Variants in HDHD5 observed in about 807,000 individuals in gnomAD.
The protein encoded by HDHD5 is haloacid dehalogenase-like hydrolase domain-containing 5.
In HDHD5, 34 loss-of-function variants were observed where a neutral mutation model predicts 35.5. The observed-to-expected ratio is 0.96, with a 90% CI of 0.73 to 1.28. HDHD5 has a LOEUF of 1.28. Ranked by LOEUF, HDHD5 falls within the 50% of genes most tolerant of loss-of-function variation. The pLI is 0.00. For missense variants in HDHD5, 589 were observed against 560.2 expected, an observed-to-expected ratio of 1.05 and a Z score of -0.52; for synonymous variants, 248 against 240.6, an observed-to-expected ratio of 1.03 and a Z score of -0.29.
intron 1 of HDHD5, 179 bp downstream of exon 1, chr22:17,158,947 A>G (rs79822985): frequency 0.059 from 28,955 of 488,756 alleles, 1,105 homozygotes; most frequent in South Asian, 0.18. Context: ...AGCGAGTCAG[A>G]GGAAGGCAGG....
chr22:17,151,765 AAGAAG>A (rs1010605877), intron 1 of HDHD5, among the ~76,000 whole-genome samples: 7 of 151,690 alleles, frequency 4.6e-5, no homozygotes, highest in African/African-American at 7.2e-5. Flanking sequence ...AGAAGAAAGA[AAGAAG>A]AGAAGAGAAG....
intron 1 of HDHD5, among the ~76,000 whole-genome samples, chr22:17,157,865 C>T (rs895243071): frequency 4.6e-5 from 7 of 152,164 alleles, no homozygotes; most frequent in Non-Finnish European, 1.0e-4. Flanking sequence ...CAGCTGTGTG[C>T]CCTTGGGTAA....
chr22:17,148,556 T>A lies in HDHD5; in HGVS notation c.335A>T (p.Asp112Val). Reference sequence around the variant, plus strand: ...GTGAGAGAGGATAACTTGGTCTGCATCCACCTGTAGGGACAGCCAAGACAG... The same window carrying A: ...GTGAGAGAGGATAACTTGGTCTGCAACCACCTGTAGGGACAGCCAAGACAG... Reference protein sequence around the residue: ...ELSALLGCEVDADQVILSHSP... With the variant: ...ELSALLGCEVVADQVILSHSP... The change falls in exon 3 of 8, where the codon GAT becomes GTT. Residue 112 changes from aspartate to valine, a missense_variant. Asp to Val is a radical substitution (Grantham distance 152). Coordinates refer to ENST00000336737, the MANE Select transcript of HDHD5 (RefSeq NM_033070.3). 1 of 1,613,168 alleles carries A rather than the reference T, an allele frequency of 6.2e-7. No individual in the cohort carries two copies. Among genetic ancestry groups the A allele is most frequent in the Non-Finnish European group, 8.5e-7 (1 of 1,179,238 alleles).
At chr22:17,160,605 C>T (rs1453904196), upstream of HDHD5, among the ~76,000 whole-genome samples, 1 of 150,068 alleles carries the variant, frequency 6.7e-6, no homozygotes, top group South Asian at 2.1e-4. Context: ...GCCGAGATTG[C>T]GCCAATGCAC....
In HDHD5 at chr22:17,145,095, T is replaced by C. The variant is rs758905911; in HGVS notation, c.466A>G (p.Thr156Ala). Residue 156 changes from threonine to alanine, a missense_variant, in exon 4 of 8, where the codon ACC becomes GCC. Coordinates refer to ENST00000336737, the MANE Select transcript of HDHD5 (RefSeq NM_033070.3). ...AAGGCCATCCGCAGCTCATCCACGGTGACGACATTTCGGAAGCCCAGTCTG... is the reference window on the plus strand; with the variant it reads ...AAGGCCATCCGCAGCTCATCCACGGCGACGACATTTCGGAAGCCCAGTCTG... ...AQGLGFRNVV[T>A]VDELRMAFPL... 1 of 1,614,018 alleles carries C rather than the reference T, an allele frequency of 6.2e-7. No individual in the cohort carries two copies. The highest frequency in any genetic ancestry group is 1.7e-5 in the Admixed American group (1 of 59,996).
At chr22:17,140,291 C>A (rs371651335) in intron 6 of HDHD5, among the ~76,000 whole-genome samples, 1 of 152,330 alleles carries the variant, frequency 6.6e-6, no homozygotes, top group East Asian at 1.9e-4. Flanking sequence ...AAAAGGGCTG[C>A]CTCTATCTGT....
At chr22:17,156,762 C>T (rs1222912177) in intron 1 of HDHD5, among the ~76,000 whole-genome samples, 6 of 146,880 alleles carry the variant, frequency 4.1e-5, no homozygotes, top group African/African-American at 1.3e-4. Flanking sequence ...GGCAACAGAG[C>T]GAGCGAGACT....
chr22:17,153,622 G>A (rs1310088966), intron 1 of HDHD5, among the ~76,000 whole-genome samples: 1 of 152,148 alleles, frequency 6.6e-6, no homozygotes, highest in Admixed American at 6.6e-5. Flanking sequence ...ATTTTTCCTG[G>A]GAAAAGTAAC....
At chr22:17,140,541 C>T (rs762573234) in intron 6 of HDHD5, among the ~76,000 whole-genome samples, 1 of 152,120 alleles carries the variant, frequency 6.6e-6, no homozygotes, top group East Asian at 1.9e-4. Context: ...GCTATGACTG[C>T]ACCACTGCAC....
upstream of HDHD5, chr22:17,159,377 A>C (rs1420269205): frequency 1.8e-6 from 2 of 1,122,444 alleles, no homozygotes; most frequent in Non-Finnish European, 2.4e-6. Flanking sequence ...AAGCGCGCGG[A>C]GCCCGTCGGG....
At chr22:17,144,334 C>G (rs1291640923) in intron 4 of HDHD5, among the ~76,000 whole-genome samples, 1 of 151,924 alleles carries the variant, frequency 6.6e-6, no homozygotes, top group African/African-American at 2.4e-5. Flanking sequence ...ACTGCAGCCT[C>G]CAACGCCTGG....
In HDHD5 at chr22:17,157,085, T is replaced by TACACACACACACACACACACACACAC. The variant is rs58807817; in HGVS notation, c.126+2015_126+2040dup. On this transcript the variant is annotated intron_variant, in intron 1 of 7. Coordinates refer to ENST00000336737, the MANE Select transcript of HDHD5 (RefSeq NM_033070.3). ...AGAGCTAGACACCGTCTCACACACA[T>TACACACACACACACACACACACACAC]ACACACACACACACACACACACACA... 3.3e-3 allele frequency among the ~76,000 whole-genome samples: 469 copies of TACACACACACACACACACACACACAC among 143,752 alleles called. 1 individual carries two copies. The highest frequency in any genetic ancestry group is 4.6e-3 in the Non-Finnish European group (308 of 66,474). 94.3% of individuals were successfully genotyped at this position (143,752 alleles called of 152,430 possible). A position where few individuals can be genotyped will look rare whatever the true frequency, so the allele number is the denominator to read the frequency against.
chr22:17,164,113 C>T (rs570412106), upstream of HDHD5, among the ~76,000 whole-genome samples: 11 of 151,608 alleles, frequency 7.3e-5, no homozygotes, highest in Admixed American at 5.3e-4. Context: ...CCCAGCTACT[C>T]GGTAGTCCGA....
rs1267415392 is a variant in HDHD5 at position 17,158,370 on chromosome 22, C to T, written c.126+756G>A. On this transcript the variant is annotated intron_variant, in intron 1 of 7. Transcript: ENST00000336737. The stretch of plus-strand genomic sequence containing the variant: ...ATCCGTATGTTAATGTAAAATATTA[C>T]TTGTGCGTTTAGAAGACAAAGTGAT... The T allele has an allele frequency of 2.0e-5, 3 of 152,156 alleles. No individual in the cohort carries two copies. In the East Asian group the frequency reaches 5.8e-4, roughly 29 times the overall value. The allele number at this position is 152,156 out of a possible 1,614,324, so 9.4% of individuals were successfully genotyped here.
chr22:17,144,973 C>A, intron 4 of HDHD5, 51 bp downstream of exon 4: 1 of 1,606,604 alleles, frequency 6.2e-7, no homozygotes, highest in Non-Finnish European at 8.5e-7. Flanking sequence ...CAATGCAGGG[C>A]ACTGGAGGAG....
At chr22:17,153,305 C>A (rs1341882182) in intron 1 of HDHD5, among the ~76,000 whole-genome samples, 2 of 152,164 alleles carry the variant, frequency 1.3e-5, no homozygotes, top group Non-Finnish European at 2.9e-5. Flanking sequence ...AAGGCATCAA[C>A]CTCAAAAAGA....
At chr22:17,155,534 C>G (rs541309054) in intron 1 of HDHD5, among the ~76,000 whole-genome samples, 1 of 152,056 alleles carries the variant, frequency 6.6e-6, no homozygotes, top group Non-Finnish European at 1.5e-5. Context: ...CATGACCCAC[C>G]GCGCCCGGCC....
chr22:17,155,676 G>C (rs1347525996), intron 1 of HDHD5, among the ~76,000 whole-genome samples: 1 of 152,154 alleles, frequency 6.6e-6, no homozygotes, highest in Non-Finnish European at 1.5e-5. Flanking sequence ...CCTTCAGGAT[G>C]TACACAGAGA....
Position 17,148,448 on chromosome 22 carries a change from C to T in HDHD5, c.443G>A (p.Gly148Glu). ...GQGPVMENAQ[G>E]LGFRNVVTVD... Reference sequence around the variant, plus strand: ...GCCAGAGTTAAGACCAAAAGGATACCCCTGGGCATTTTCCATCACGGGCCC... The same window carrying T: ...GCCAGAGTTAAGACCAAAAGGATACTCCTGGGCATTTTCCATCACGGGCCC... The change falls in exon 3 of 8, where the codon GGA becomes GAA. Residue 148 changes from glycine to glutamate, a missense_variant and splice_region_variant. Physicochemically the swap from Gly to Glu is moderately conservative, Grantham distance 98. Transcript: ENST00000336737. 1 of 1,613,214 alleles carries T rather than the reference C, an allele frequency of 6.2e-7. No individual in the cohort carries two copies. Among genetic ancestry groups the T allele is most frequent in the Non-Finnish European group, 8.5e-7 (1 of 1,179,200 alleles).
Sources: gnomAD v4.1 joint callset for allele counts (sites outside exome capture counted in the v4.1 genomes callset) on GRCh38, gnomAD v4.1.1 for gene constraint, MANE v1.5 for transcripts, NCBI Gene and HGNC (gene_info 2026-07-23, HGNC 2026-07-21) for gene names.